Variants in PATJ observed in about 807,000 individuals in gnomAD.
The protein encoded by PATJ is inaD-like protein.
In PATJ, 190 loss-of-function variants were observed where a neutral mutation model predicts 224.9. That is an observed-to-expected ratio of 0.84 (90% CI 0.75 to 0.95). The LOEUF is 0.95. Among genes scored for constraint, PATJ ranks in the 40% least tolerant of loss-of-function variants. PATJ has a pLI of 0.00. For synonymous variants in PATJ, 769 were observed against 820.3 expected, an observed-to-expected ratio of 0.94 and a Z score of 1.07; for missense variants, 2,121 against 2,270.3, an observed-to-expected ratio of 0.93 and a Z score of 1.34.
At chr1:61,884,496 G>A (rs1274104512) in intron 22 of PATJ, 88 bp downstream of exon 22, 7 of 921,476 alleles carry the variant, frequency 7.6e-6, no homozygotes, top group Non-Finnish European at 1.1e-5. Context: ...CGTGATTTTG[G>A]TAGAACGTTT....
chr1:61,744,990 C>T (rs1310448428), intron 1 of PATJ, among the ~76,000 whole-genome samples: 1 of 152,156 alleles, frequency 6.6e-6, no homozygotes, highest in Non-Finnish European at 1.5e-5. Flanking sequence ...AAGAGATGCA[C>T]AGGGTGAGGT....
intron 33 of PATJ, among the ~76,000 whole-genome samples, chr1:62,106,882 C>T (rs1663123643): frequency 6.6e-6 from 1 of 152,164 alleles, no homozygotes; most frequent in Non-Finnish European, 1.5e-5. Context: ...CAGCCCTTGA[C>T]CATTGCCAGC....
chr1:62,123,121 A>G (rs1665279855), intron 39 of PATJ, 63 bp downstream of exon 39: 1 of 1,121,996 alleles, frequency 8.9e-7, no homozygotes, highest in Non-Finnish European at 1.3e-6. Flanking sequence ...CTAAATGTAC[A>G]TTTTCCCCAA....
chr1:61,819,320 T>G (rs12405516), intron 14 of PATJ, among the ~76,000 whole-genome samples: 22,442 of 152,242 alleles, frequency 0.15, 1,874 homozygotes, highest in Non-Finnish European at 0.18. Flanking sequence ...TGTTTCCTTA[T>G]ATTCTTTGCC....
intron 27 of PATJ, among the ~76,000 whole-genome samples, chr1:61,944,427 A>G (rs1678340477): frequency 6.6e-6 from 1 of 152,186 alleles, no homozygotes; most frequent in Non-Finnish European, 1.5e-5. Context: ...TACGTGACGA[A>G]TGCACAAGCT....
Position 62,158,431 on chromosome 1 carries a change from G to C in PATJ, c.5503-2477G>C, listed in dbSNP as rs529987760. ...GTGGATCACCTGAGGTCAAGAGTTCGAGACCAGGCCGGTCACGGTGGCTCA... is the reference window on the plus strand; with the variant it reads ...GTGGATCACCTGAGGTCAAGAGTTCCAGACCAGGCCGGTCACGGTGGCTCA... On this transcript the variant is annotated intron_variant, in intron 43 of 43. Transcript: ENST00000642238. 1.3e-5 allele frequency among the ~76,000 whole-genome samples: 2 copies of C among 148,450 alleles called. 1 individual carries two copies.
chr1:61,852,650 A>T (rs998518312), intron 17 of PATJ: 7 of 152,202 alleles, frequency 4.6e-5, no homozygotes, highest in African/African-American at 1.4e-4. Context: ...AAGGGTTTTG[A>T]GAAGTGTCTC....
chr1:61,838,230 CT>C (rs1660499940), intron 17 of PATJ, among the ~76,000 whole-genome samples: 2 of 152,172 alleles, frequency 1.3e-5, no homozygotes. Context: ...TAAAATCCCA[CT>C]CTGTATGTGT....
intron 14 of PATJ, among the ~76,000 whole-genome samples, chr1:61,817,118 G>A (rs148996536): frequency 3.2e-4 from 48 of 152,328 alleles, no homozygotes; most frequent in African/African-American, 1.1e-3. Context: ...GAGTACAAAT[G>A]AGTACAATGG....
chr1:61,836,407 A>G (rs1660185495), intron 17 of PATJ, among the ~76,000 whole-genome samples: 1 of 152,208 alleles, frequency 6.6e-6, no homozygotes, highest in Non-Finnish European at 1.5e-5. Flanking sequence ...TGTGCTTCTT[A>G]TAGAACATAA....
At chr1:62,010,060 G>A (rs1486774801) in intron 28 of PATJ, among the ~76,000 whole-genome samples, 2 of 127,956 alleles carry the variant, frequency 1.6e-5, no homozygotes, top group African/African-American at 6.2e-5. Context: ...TCCAGCCTGG[G>A]GGAGTGAGAC....
chr1:62,134,537 GT>G (rs1384726245), intron 41 of PATJ, among the ~76,000 whole-genome samples: 1 of 149,076 alleles, frequency 6.7e-6, no homozygotes, highest in Non-Finnish European at 1.5e-5. Flanking sequence ...TAGAGACGGG[GT>G]TTCACCATGT....
intron 1 of PATJ, among the ~76,000 whole-genome samples, chr1:61,746,000 C>T (rs1480442687): frequency 1.3e-5 from 2 of 151,418 alleles, no homozygotes; most frequent in Non-Finnish European, 2.9e-5. Context: ...TGCAGTGCCG[C>T]GATCTCCACC....
intron 26 of PATJ, among the ~76,000 whole-genome samples, chr1:61,923,097 T>C (rs1674570158): frequency 6.6e-6 from 1 of 152,230 alleles, no homozygotes; most frequent in South Asian, 2.1e-4. Context: ...AAAACCCCAG[T>C]AGGAGCCCAG....
chr1:62,083,342 G>C (rs551732662), intron 32 of PATJ, among the ~76,000 whole-genome samples: 9 of 152,186 alleles, frequency 5.9e-5, no homozygotes, highest in African/African-American at 1.9e-4. Flanking sequence ...GGCTGGTCTC[G>C]AACTCCTGAC....
chr1:61,765,407 CAG>C (rs945975680), intron 3 of PATJ, among the ~76,000 whole-genome samples: 9 of 150,594 alleles, frequency 6.0e-5, no homozygotes, highest in African/African-American at 2.2e-4. Flanking sequence ...TTTTTGGAGA[CAG>C]AGTCTTGCTC....
intron 29 of PATJ, among the ~76,000 whole-genome samples, chr1:62,022,348 G>T (rs1323532412): frequency 6.6e-5 from 10 of 151,928 alleles, no homozygotes. Context: ...TTTGCTTTTC[G>T]CATCATTAGA....
chr1:61,921,821 T>G (rs1674382535), intron 26 of PATJ, among the ~76,000 whole-genome samples: 1 of 152,164 alleles, frequency 6.6e-6, no homozygotes, highest in South Asian at 2.1e-4. Context: ...AAAAAAGACA[T>G]GAACAGATTT....
chr1:62,082,589 G>T lies in PATJ; in HGVS notation c.4244-1926G>T, dbSNP rs566536505. 3.3e-5 allele frequency among the ~76,000 whole-genome samples: 5 copies of T among 152,200 alleles called. No homozygotes were observed. The South Asian group carries it at 6.2e-4, about 19-fold the overall frequency. On this transcript the variant is annotated intron_variant, in intron 32 of 43. Transcript: ENST00000642238. ...ATTGACAAGCTTTTTCTATAAAGAA[G>T]TAGATTGTAAATATTTTAGGCTTAT...
Sources: gnomAD v4.1 joint callset for allele counts (sites outside exome capture counted in the v4.1 genomes callset) on GRCh38, gnomAD v4.1.1 for gene constraint, MANE v1.5 for transcripts, NCBI Gene and HGNC (gene_info 2026-07-23, HGNC 2026-07-21) for gene names.